VPS33B: variants seen among roughly 807,000 people sequenced by gnomAD.
The protein encoded by VPS33B is vacuolar protein sorting-associated protein 33B.
In VPS33B, 80 loss-of-function variants were observed where a neutral mutation model predicts 95.3. That is an observed-to-expected ratio of 0.84 (90% CI 0.70 to 1.01). VPS33B has a LOEUF of 1.01. Ranked by LOEUF, VPS33B falls within the 50% of genes least tolerant of loss-of-function variation. The probability of loss-of-function intolerance (pLI) is 0.00; values close to 1 mark genes in which losing one functional copy is unlikely to be tolerated. For missense variants in VPS33B, 715 were observed against 773.4 expected (o/e 0.92, Z 0.90); for synonymous variants, 280 against 280.4 (o/e 1.00, Z 0.01).
In VPS33B at chr15:91,002,895, G is replaced by A. The variant is rs2040484690; in HGVS notation, c.1272+190C>T. ...TGGCCATGCGCCGTCAGTGTGTGGG[G>A]TGAAACAAGGGTAGAGGGCAGAGAG... On this transcript the variant is annotated intron_variant, in intron 17 of 22. Transcript: ENST00000333371. This position sits in a 1 kb window ranked among gnomAD's most constrained non-coding sequence, Gnocchi z 4.7. Among the ~76,000 whole-genome samples the A allele has an allele frequency of 6.6e-6, 1 of 152,158 alleles. No individual in the cohort carries two copies. The highest frequency in any genetic ancestry group is 1.5e-5 in the Non-Finnish European group (1 of 68,032).
In VPS33B at chr15:91,018,469, G is replaced by T. The variant is rs1374132417; in HGVS notation, c.97-584C>A. 6.6e-6 allele frequency among the ~76,000 whole-genome samples: 1 copy of T among 152,114 alleles called. No homozygotes were observed. Among genetic ancestry groups the T allele is most frequent in the African/African-American group, 2.4e-5 (1 of 41,396 alleles). On this transcript the variant is annotated intron_variant, in intron 1 of 22. Transcript: ENST00000333371. This position sits in a 1 kb window ranked among gnomAD's most constrained non-coding sequence, Gnocchi z 4.7. ...GAGGTCACAGTTAGTGACAGGGAGG[G>T]GAAAGTCACTGGGAGTTTCCTCTCA... is the stretch of plus-strand genomic sequence containing the variant.
chr15:90,998,922 A>G lies in VPS33B; in HGVS notation c.*53T>C. The G allele has an allele frequency of 6.2e-7, 1 of 1,600,256 alleles. No individual in the cohort carries two copies. The highest frequency in any genetic ancestry group is 8.5e-7 in the Non-Finnish European group (1 of 1,170,082). On this transcript the variant is annotated 3_prime_UTR_variant, in exon 23 of 23. Transcript: ENST00000333371. This position sits in a 1 kb window ranked among gnomAD's most constrained non-coding sequence, Gnocchi z 4.8. ...TAGCAGCTGGGTGCCAGATGCCTGCATCTCACTGAGGAATGTGTTCAGGGA... is the reference window on the plus strand; with the variant it reads ...TAGCAGCTGGGTGCCAGATGCCTGCGTCTCACTGAGGAATGTGTTCAGGGA...
chr15:91,022,084 G>T, intron 1 of VPS33B, 70 bp downstream of exon 1: 1 of 1,511,080 alleles, frequency 6.6e-7, no homozygotes, highest in Non-Finnish European at 9.0e-7. Context: ...AAGGGGCACG[G>T]CAAGGAAGAA....
In VPS33B at chr15:91,002,264, G is replaced by T. The variant is rs111272011; in HGVS notation, c.1273-82C>A. The T allele has an allele frequency of 3.4e-5, 53 of 1,565,704 alleles. 2 individuals carry two copies. The African/African-American group carries it at 4.7e-4, about 14-fold the overall frequency. On this transcript the variant is annotated intron_variant, in intron 17 of 22. Coordinates refer to ENST00000333371, the MANE Select transcript of VPS33B (RefSeq NM_018668.5). The surrounding 1 kb of genome is among the most constrained non-coding windows in gnomAD (Gnocchi z 4.7). ...CAGGTACTACAGAGTTGAGCAGAAG[G>T]ACTATGAAGCCTCTGCTGCAGTGTG...
In VPS33B at chr15:91,006,505, T is replaced by C. The variant is rs2040609099; in HGVS notation, c.779-60A>G. 6.2e-7 allele frequency: 1 copy of C among 1,612,178 alleles called. No individual in the cohort carries two copies. The highest frequency in any genetic ancestry group is 8.5e-7 in the Non-Finnish European group (1 of 1,178,414). ...AATGAGGACTTCTCCTACCATTCCCTGAACTGCCATAAAGGTCCTCAAACT... is the reference window on the plus strand; with the variant it reads ...AATGAGGACTTCTCCTACCATTCCCCGAACTGCCATAAAGGTCCTCAAACT... On this transcript the variant is annotated intron_variant, in intron 10 of 22. Coordinates refer to ENST00000333371, the MANE Select transcript of VPS33B (RefSeq NM_018668.5). The surrounding 1 kb of genome is among the most constrained non-coding windows in gnomAD (Gnocchi z 5.4).
In VPS33B at chr15:91,022,313, C is replaced by A; in HGVS notation, c.-64G>T. 6.8e-7 allele frequency: 1 copy of A among 1,477,088 alleles called. No homozygotes were observed. The highest frequency in any genetic ancestry group is 1.3e-5 in the South Asian group (1 of 75,450). 91.5% of individuals were successfully genotyped at this position (1,477,088 alleles called of 1,614,324 possible). A position where few individuals can be genotyped will look rare whatever the true frequency, so the allele number is the denominator to read the frequency against. ...TTCGTTCTGAGAAGGCCGGCCGCAG[C>A]CCAGGGAAGCGCAAGGGGGGCTATC... On this transcript the variant is annotated 5_prime_UTR_variant, in exon 1 of 23. Coordinates refer to ENST00000333371, the MANE Select transcript of VPS33B (RefSeq NM_018668.5).
In VPS33B at chr15:91,015,595, G is replaced by C. The variant is rs1410375708; in HGVS notation, c.240-1162C>G. The stretch of plus-strand genomic sequence containing the variant: ...CTTGGGAGGCTAAGAAGAATTGCTT[G>C]AACCTGGGAGGCAGATCCCGCCACT... On this transcript the variant is annotated intron_variant, in intron 3 of 22. Transcript: ENST00000333371. This position sits in a 1 kb window ranked among gnomAD's most constrained non-coding sequence, Gnocchi z 4.7. Among the ~76,000 whole-genome samples, 2 of 151,998 alleles carry C rather than the reference G, an allele frequency of 1.3e-5. No homozygotes were observed. The highest frequency in any genetic ancestry group is 1.5e-5 in the Non-Finnish European group (1 of 67,942).
At position 91,007,287 on chromosome 15, in the gene VPS33B, AGATCCTGGCTTTTGCT is replaced by A. The variant is rs2040638108; in HGVS notation, c.603+166_603+181del. Among the ~76,000 whole-genome samples the A allele has an allele frequency of 6.6e-6, 1 of 152,240 alleles. No homozygotes were observed. The highest frequency in any genetic ancestry group is 2.4e-5 in the African/African-American group (1 of 41,462). On this transcript the variant is annotated intron_variant, in intron 8 of 22. Coordinates refer to ENST00000333371, the MANE Select transcript of VPS33B (RefSeq NM_018668.5). The surrounding 1 kb of genome is among the most constrained non-coding windows in gnomAD (Gnocchi z 5.3). ...AAGAGATTTAGGAATGCTACCCAGG[AGATCCTGGCTTTTGCT>A]TCTCTGTTAGCCACACAAGTTCTCC...
In VPS33B at chr15:91,022,185, G is replaced by A. The variant is rs1358390763; in HGVS notation, c.65C>T (p.Ala22Val). The A allele has an allele frequency of 1.3e-6, 2 of 1,578,454 alleles. No homozygotes were observed. Among genetic ancestry groups the A allele is most frequent in the Non-Finnish European group, 1.7e-6 (2 of 1,160,542 alleles). The change falls in exon 1 of 23, where the codon GCT becomes GTT. Residue 22 changes from alanine to valine, a missense_variant. By Grantham distance (64) the Ala-to-Val change is moderately conservative. Coordinates refer to ENST00000333371, the MANE Select transcript of VPS33B (RefSeq NM_018668.5). ...LPDFSMLKRL[A>V]RDQLIYLLEQ... ...CAGCAGATAGATGAGCTGGTCTCGAGCCAGCCTCTTCAGCATGGAGAAGTC... is the reference window on the plus strand; with the variant it reads ...CAGCAGATAGATGAGCTGGTCTCGAACCAGCCTCTTCAGCATGGAGAAGTC...
rs1047230671 is a variant in VPS33B at position 91,009,071 on chromosome 15, G to A, written c.403+730C>T. Among the ~76,000 whole-genome samples the A allele has an allele frequency of 3.9e-5, 6 of 152,112 alleles. No individual in the cohort carries two copies. Among genetic ancestry groups the A allele is most frequent in the Non-Finnish European group, 8.8e-5 (6 of 68,022 alleles). ...GAGCCGCTGCTATTTCCAGCAGGGA[G>A]GGCTGTGATCAGGTTTGGGTTGTGT... is the stretch of plus-strand genomic sequence containing the variant. On this transcript the variant is annotated intron_variant, in intron 6 of 22. Transcript: ENST00000333371. This position sits in a 1 kb window ranked among gnomAD's most constrained non-coding sequence, Gnocchi z 4.1.
In VPS33B at chr15:91,022,224, G is replaced by A. The variant is rs772730897; in HGVS notation, c.26C>T (p.Ala9Val). Residue 9 changes from alanine to valine, a missense_variant, in exon 1 of 23, where the codon GCC becomes GTC. Ala to Val is a moderately conservative substitution (Grantham distance 64). Coordinates refer to ENST00000333371, the MANE Select transcript of VPS33B (RefSeq NM_018668.5). ...CATGGAGAAGTCAGGCAGCTCAGGGGCGTCCGGCCGATGGGGAAAAGCCAT... is the reference window on the plus strand; with the variant it reads ...CATGGAGAAGTCAGGCAGCTCAGGGACGTCCGGCCGATGGGGAAAAGCCAT... MAFPHRPDAPELPDFSMLK... is the reference protein window; with the variant it reads MAFPHRPDVPELPDFSMLK... 1.9e-6 allele frequency: 3 copies of A among 1,580,980 alleles called. No homozygotes were observed. Among genetic ancestry groups the A allele is most frequent in the Non-Finnish European group, 2.6e-6 (3 of 1,160,218 alleles).
rs2040570050 is a variant in VPS33B, at chr15:91,005,361, G to A, written c.1105+19C>T. 6.2e-7 allele frequency: 1 copy of A among 1,614,164 alleles called. No homozygotes were observed. Among genetic ancestry groups the A allele is most frequent in the South Asian group, 1.1e-5 (1 of 91,084 alleles). On this transcript the variant is annotated intron_variant, in intron 14 of 22. Transcript: ENST00000333371. The surrounding 1 kb of genome is among the most constrained non-coding windows in gnomAD (Gnocchi z 6.4). Reference sequence around the variant, plus strand: ...AAGTAGAAGCGTGGGCAGTAGCACAGCAAGGCTGCGGCAGTTACCATGCTC... The same window carrying A: ...AAGTAGAAGCGTGGGCAGTAGCACAACAAGGCTGCGGCAGTTACCATGCTC...
chr15:91,017,827 A>T lies in VPS33B; in HGVS notation c.155T>A (p.Ile52Asn). 6.2e-7 allele frequency: 1 copy of T among 1,614,148 alleles called. No individual in the cohort carries two copies. The highest frequency in any genetic ancestry group is 8.5e-7 in the Non-Finnish European group (1 of 1,180,006). The change falls in exon 2 of 23, where the codon ATT becomes AAT. Residue 52 changes from isoleucine (I) to asparagine (N), a missense_variant. By Grantham distance (149) the Ile-to-Asn change is moderately radical. Transcript: ENST00000333371. ...TACCTTCAGGATGGAGACATTGGCAATTCGATCCAAAGGGCTCATGAGATC... is the reference window on the plus strand; with the variant it reads ...TACCTTCAGGATGGAGACATTGGCATTTCGATCCAAAGGGCTCATGAGATC... ...EADLMSPLDRIANVSILKQHE... is the reference protein window; with the variant it reads ...EADLMSPLDRNANVSILKQHE...
rs911783275 is a variant in VPS33B at position 91,006,740 on chromosome 15, G to C, written c.701-11C>G. 4 of 1,614,054 alleles carry C rather than the reference G, an allele frequency of 2.5e-6. No individual in the cohort carries two copies. The highest frequency in any genetic ancestry group is 2.7e-5 in the African/African-American group (2 of 74,914). ...TCACAAAGTCCACATCTGAAACAGA[G>C]ATCCCTGACCATGAAGGTTCTCCCT... On this transcript the variant is annotated splice_polypyrimidine_tract_variant and intron_variant, in intron 9 of 22. Coordinates refer to ENST00000333371, the MANE Select transcript of VPS33B (RefSeq NM_018668.5). The surrounding 1 kb of genome is among the most constrained non-coding windows in gnomAD (Gnocchi z 5.4).
rs59648701 is a variant in VPS33B, at chr15:91,007,002, G to A, written c.648C>T (p.Gly216=). 3.8e-3 allele frequency: 6,187 copies of A among 1,613,718 alleles called. 156 individuals are homozygous for A. The African/African-American group carries it at 0.06, about 16-fold the overall frequency. ...TCTCTGGCCTTCGGCCCTTGGTTTC[G>A]CCATCCTCCTCCTCCTCCAGGTTCC... ...LWRNLEEEED[G]ETKGRRPEIG... Residue 216 remains glycine (G), a synonymous_variant, in exon 9 of 23, where the codon GGC becomes GGT. Coordinates refer to ENST00000333371, the MANE Select transcript of VPS33B (RefSeq NM_018668.5). The surrounding 1 kb of genome is among the most constrained non-coding windows in gnomAD (Gnocchi z 5.3).
At chr15:91,016,256 G>C (rs2040919818) in intron 3 of VPS33B, among the ~76,000 whole-genome samples, 1 of 152,260 alleles carries the variant, frequency 6.6e-6, no homozygotes, top group East Asian at 1.9e-4. Context: ...GGCTTGAAGG[G>C]GACACACGAG....
rs1246635039 is a variant in VPS33B, at chr15:91,013,014, C to G, written c.357+790G>C. ...AACCCAGGGGCAGCCCAGCCACATC[C>G]TTATAAGCATAGCGGATGGGAAGAG... On this transcript the variant is annotated intron_variant, in intron 5 of 22. Coordinates refer to ENST00000333371, the MANE Select transcript of VPS33B (RefSeq NM_018668.5). The surrounding 1 kb of genome is among the most constrained non-coding windows in gnomAD (Gnocchi z 4.5). Among the ~76,000 whole-genome samples, 3 of 152,120 alleles carry G rather than the reference C, an allele frequency of 2.0e-5. No homozygotes were observed. Among genetic ancestry groups the G allele is most frequent in the Non-Finnish European group, 4.4e-5 (3 of 68,022 alleles).
chr15:91,016,949 T>C lies in VPS33B; in HGVS notation c.239+14A>G, dbSNP rs2040945367. The C allele has an allele frequency of 6.2e-7, 1 of 1,613,620 alleles. No individual in the cohort carries two copies. Among genetic ancestry groups the C allele is most frequent in the Non-Finnish European group, 8.5e-7 (1 of 1,179,748 alleles). ...TCCAGCTTGGAGTAGGGACAGACTC[T>C]CCCAGACACTCACTGTTCATTGGAG... On this transcript the variant is annotated intron_variant, in intron 3 of 22. Transcript: ENST00000333371.
rs1337927582 is a variant in VPS33B at position 91,007,160 on chromosome 15, T to G, written c.604-114A>C. On this transcript the variant is annotated intron_variant, in intron 8 of 22. Transcript: ENST00000333371. This position sits in a 1 kb window ranked among gnomAD's most constrained non-coding sequence, Gnocchi z 5.3. ...TTCCTCTTGTCCCCGAGACAGGAGC[T>G]AATTATTCACAATATGGCCCTATCT... 1 of 1,161,184 alleles carries G rather than the reference T, an allele frequency of 8.6e-7. No individual in the cohort carries two copies. The highest frequency in any genetic ancestry group is 1.7e-5 in the Admixed American group (1 of 57,874). The allele number at this position is 1,161,184 out of a possible 1,614,324, so 71.9% of individuals were successfully genotyped here.
Sources: gnomAD v4.1 joint callset for allele counts (sites outside exome capture counted in the v4.1 genomes callset) on GRCh38, gnomAD v4.1.1 for gene constraint, Gnocchi (gnomAD v3.1) non-coding constraint, MANE v1.5 for transcripts, NCBI Gene and HGNC (gene_info 2026-07-23, HGNC 2026-07-21) for gene names.